The following TNKS variants were observed in gnomAD, a reference collection of about 807,000 sequenced individuals.
TNKS encodes poly [ADP-ribose] polymerase tankyrase-1.
In TNKS, 72 loss-of-function variants were observed where a neutral mutation model predicts 135.8. The observed-to-expected ratio is 0.53, with a 90% CI of 0.44 to 0.64. The LOEUF is 0.64. TNKS is among the 30% of genes least tolerant of loss of function. The pLI is 0.00. For synonymous variants in TNKS, 849 were observed against 649.3 expected, an observed-to-expected ratio of 1.31 and a Z score of -4.68; for missense variants, 1,769 against 1,674.0, an observed-to-expected ratio of 1.06 and a Z score of -0.99.
At chr8:9,568,996 T>A (rs1158171974) in intron 1 of TNKS, among the ~76,000 whole-genome samples, 2 of 152,226 alleles carry the variant, frequency 1.3e-5, no homozygotes, top group Non-Finnish European at 2.9e-5. Context: ...TGTGCAGATA[T>A]TCCAAATGTT....
intron 5 of TNKS, among the ~76,000 whole-genome samples, chr8:9,700,220 T>G (rs1803730484): frequency 6.6e-6 from 1 of 152,196 alleles, no homozygotes; most frequent in African/African-American, 2.4e-5. Context: ...ACTTGACTCC[T>G]TAAAATGTAG....
chr8:9,618,845 G>C (rs79525528), intron 3 of TNKS, among the ~76,000 whole-genome samples: 13,054 of 152,164 alleles, frequency 0.086, 587 homozygotes, highest in South Asian at 0.17. Flanking sequence ...GCATCCCACT[G>C]TCTTATTTCT....
At chr8:9,740,051 A>G (rs1272314662) in intron 17 of TNKS, among the ~76,000 whole-genome samples, 2 of 34,424 alleles carry the variant, frequency 5.8e-5, no homozygotes, top group African/African-American at 1.8e-4. Context: ...AACTTAGAGT[A>G]TAATAAAAAA....
chr8:9,628,516 C>CA (rs112402830), intron 3 of TNKS, among the ~76,000 whole-genome samples: 1 of 149,152 alleles, frequency 6.7e-6, no homozygotes, highest in Non-Finnish European at 1.5e-5. Flanking sequence ...ATTCCTCCTG[C>CA]TTTTTTTTTT....
rs756904212 is a variant in TNKS, at chr8:9,731,070, C to G, written c.2147+35C>G. ...AGAAGTTAGCTGTTTGGGAGTCATTCTCTTCATGCTTAAAAAATTTAAAAT... is the reference window on the plus strand; with the variant it reads ...AGAAGTTAGCTGTTTGGGAGTCATTGTCTTCATGCTTAAAAAATTTAAAAT... On this transcript the variant is annotated intron_variant, in intron 14 of 26. Transcript: ENST00000310430. 23 of 1,507,580 alleles carry G rather than the reference C, an allele frequency of 1.5e-5. No individual in the cohort carries two copies. The Middle Eastern group carries it at 1.6e-3, about 106-fold the overall frequency. 93.4% of individuals were successfully genotyped at this position (1,507,580 alleles called of 1,614,324 possible). A position where few individuals can be genotyped will look rare whatever the true frequency, so the allele number is the denominator to read the frequency against.
intron 5 of TNKS, among the ~76,000 whole-genome samples, chr8:9,699,763 A>C (rs1335549845): frequency 6.6e-6 from 1 of 152,164 alleles, no homozygotes; most frequent in Non-Finnish European, 1.5e-5. Flanking sequence ...CCTTCCTGCC[A>C]TAGAGTTTGC....
Position 9,766,373 on chromosome 8 carries a change from G to A in TNKS, c.3688G>A (p.Gly1230Arg). 6.2e-7 allele frequency: 1 copy of A among 1,613,710 alleles called. No individual in the cohort carries two copies. Among genetic ancestry groups the A allele is most frequent in the South Asian group, 1.1e-5 (1 of 91,064 alleles). ...KSNQYVYGIGGGTGCPTHKDR... is the reference protein window; with the variant it reads ...KSNQYVYGIGRGTGCPTHKDR... ...CAACCAATATGTTTATGGAATTGGA[G>A]GAGGAACAGGCTGCCCTACACACAA... is the stretch of plus-strand genomic sequence containing the variant. The change falls in exon 25 of 27, where the codon GGA becomes AGA. Residue 1230 changes from glycine (G) to arginine (R), a missense_variant. This residue lies in a region of TNKS where 722 missense variants were observed against 688.9 expected (regional missense o/e 1.05). Coordinates refer to ENST00000310430, the MANE Select transcript of TNKS (RefSeq NM_003747.3).
intron 3 of TNKS, among the ~76,000 whole-genome samples, chr8:9,634,896 G>C (rs1480515184): frequency 1.3e-5 from 2 of 152,178 alleles, no homozygotes; most frequent in Non-Finnish European, 2.9e-5. Context: ...TGAACTGCTC[G>C]GCCGGGCGCG....
intron 3 of TNKS, among the ~76,000 whole-genome samples, chr8:9,662,672 C>G (rs1361315854): frequency 6.6e-6 from 1 of 152,066 alleles, no homozygotes; most frequent in Non-Finnish European, 1.5e-5. Context: ...GTGCAGCATG[C>G]CAACATGGCA....
intron 3 of TNKS, among the ~76,000 whole-genome samples, chr8:9,674,683 G>C (rs1434183902): frequency 6.6e-6 from 1 of 152,076 alleles, no homozygotes; most frequent in African/African-American, 2.4e-5. Context: ...AGTGTTGAGG[G>C]GAGTGGCTAA....
In TNKS at chr8:9,660,688, G is replaced by C. The variant is rs1801661699; in HGVS notation, c.995-19263G>C. Among the ~76,000 whole-genome samples the C allele has an allele frequency of 2.0e-5, 3 of 152,164 alleles. No homozygotes were observed. In the South Asian group the frequency reaches 6.2e-4, roughly 31 times the overall value. ...TTAAACACTGGCACAAGACAGGGTTGCCCTCTCTCACCAGTCCTATTCAAC... is the reference window on the plus strand; with the variant it reads ...TTAAACACTGGCACAAGACAGGGTTCCCCTCTCTCACCAGTCCTATTCAAC... On this transcript the variant is annotated intron_variant, in intron 3 of 26. Coordinates refer to ENST00000310430, the MANE Select transcript of TNKS (RefSeq NM_003747.3).
chr8:9,556,955 T>A, intron 1 of TNKS: 2 of 461,204 alleles, frequency 4.3e-6, no homozygotes, highest in East Asian at 6.9e-5. Context: ...TTTTGTCGTT[T>A]GTGTGCTAGT....
At chr8:9,697,191 T>C (rs1006250006) in intron 5 of TNKS, among the ~76,000 whole-genome samples, 2 of 152,070 alleles carry the variant, frequency 1.3e-5, no homozygotes, top group African/African-American at 2.4e-5. Context: ...ACGAAAAGAA[T>C]TAATGGGGAA....
chr8:9,668,037 C>A lies in TNKS; in HGVS notation c.995-11914C>A, dbSNP rs189587794. Among the ~76,000 whole-genome samples the A allele has an allele frequency of 2.0e-4, 31 of 152,246 alleles. 1 individual carries two copies. In the East Asian group the frequency reaches 6.0e-3, roughly 29 times the overall value. On this transcript the variant is annotated intron_variant, in intron 3 of 26. Transcript: ENST00000310430. ...CTAGCATGCTAGCAGTGGCACCAAA[C>A]CTGCAGCAACTTGTTCATTTAGTAG... is the stretch of plus-strand genomic sequence containing the variant.
chr8:9,712,280 C>T (rs959385712), intron 11 of TNKS, among the ~76,000 whole-genome samples: 1 of 152,076 alleles, frequency 6.6e-6, no homozygotes, highest in Non-Finnish European at 1.5e-5. Flanking sequence ...AGGAGTTCGA[C>T]ACCAGCCTGG....
chr8:9,692,649 A>G (rs1181761003), intron 5 of TNKS, among the ~76,000 whole-genome samples: 2 of 152,228 alleles, frequency 1.3e-5, no homozygotes, highest in Non-Finnish European at 2.9e-5. Flanking sequence ...GAATCTAGTC[A>G]TGTCATCTGC....
At chr8:9,722,065 A>G (rs1451588428) in intron 12 of TNKS, among the ~76,000 whole-genome samples, 3 of 74,354 alleles carry the variant, frequency 4.0e-5, no homozygotes, top group African/African-American at 7.6e-5. Context: ...TCAACAAAAA[A>G]AAAAGAAAAG....
rs965840122 is a variant in TNKS at position 9,726,621 on chromosome 8, C to A, written c.1922-20C>A. On this transcript the variant is annotated intron_variant, in intron 12 of 26. Coordinates refer to ENST00000310430, the MANE Select transcript of TNKS (RefSeq NM_003747.3). ...ATGAGTTTGGATATATATATGAGTT[C>A]TTTCCTTCCTTTTATGCAGAGAGTA... 2.5e-6 allele frequency: 4 copies of A among 1,580,682 alleles called. No individual in the cohort carries two copies. The highest frequency in any genetic ancestry group is 2.3e-5 in the South Asian group (2 of 86,262).
intron 11 of TNKS, among the ~76,000 whole-genome samples, chr8:9,715,384 T>C (rs914508297): frequency 6.6e-6 from 1 of 151,932 alleles, no homozygotes; most frequent in Non-Finnish European, 1.5e-5. Context: ...TGATCATCTC[T>C]GGTCTGAAGG....
Sources: allele counts gnomAD v4.1 joint callset (sites outside exome capture counted in the v4.1 genomes callset), GRCh38; gene constraint gnomAD v4.1.1; regional missense constraint gnomAD v4.1.1; transcripts MANE v1.5; gene names NCBI Gene and HGNC (gene_info 2026-07-23, HGNC 2026-07-21).